Variants in LRP1B observed in about 807,000 individuals in gnomAD.
LRP1B encodes the protein low-density lipoprotein receptor-related protein 1B.
A neutral mutation model predicts 556.6 loss-of-function variants in LRP1B; 217 were observed. The observed-to-expected ratio is 0.39, with a 90% CI of 0.35 to 0.44. The LOEUF is 0.44. LRP1B is among the 20% of genes least tolerant of loss of function. The probability of loss-of-function intolerance (pLI) is 1.00; values close to 1 mark genes in which losing one functional copy is unlikely to be tolerated. For synonymous variants in LRP1B, 2,047 were observed against 1,865.8 expected (o/e 1.10, Z -2.50); for missense variants, 5,053 against 5,620.8 (o/e 0.90, Z 3.23).
chr2:141,607,945 C>G (rs536014895), intron 2 of LRP1B, among the ~76,000 whole-genome samples: 1 of 152,098 alleles, frequency 6.6e-6, no homozygotes, highest in East Asian at 1.9e-4. Context: ...AAGAAATAGG[C>G]CTGGTGCAGT....
intron 1 of LRP1B, among the ~76,000 whole-genome samples, chr2:141,856,913 A>G (rs1698070758): frequency 2.4e-5 from 3 of 127,320 alleles, no homozygotes; most frequent in African/African-American, 4.0e-5. Context: ...CTATTACAGG[A>G]AAAAAAAAAA....
chr2:140,854,714 C>G (rs1316323372), intron 27 of LRP1B, among the ~76,000 whole-genome samples: 1 of 152,128 alleles, frequency 6.6e-6, no homozygotes, highest in Admixed American at 6.6e-5. Flanking sequence ...TACATATTAG[C>G]CATGGCTGTT....
At chr2:140,794,506 C>T (rs919372160) in intron 32 of LRP1B, among the ~76,000 whole-genome samples, 7 of 113,306 alleles carry the variant, frequency 6.2e-5, no homozygotes, top group Admixed American at 8.8e-5. Flanking sequence ...CACACACACA[C>T]ACACACACAC....
chr2:140,475,342 G>T lies in LRP1B; in HGVS notation c.9426-5C>A. On this transcript the variant is annotated splice_region_variant and splice_polypyrimidine_tract_variant and intron_variant, in intron 59 of 90. Coordinates refer to ENST00000389484, the MANE Select transcript of LRP1B (RefSeq NM_018557.3). The stretch of plus-strand genomic sequence containing the variant: ...CAGTCAATCCAATACAAATATCTAG[G>T]AAAGAAAATCAATACTGATTTTGTT... 6.4e-7 allele frequency: 1 copy of T among 1,564,908 alleles called. No homozygotes were observed. The highest frequency in any genetic ancestry group is 8.7e-7 in the Non-Finnish European group (1 of 1,151,434).
At chr2:141,887,950 C>T (rs1699175704) in intron 1 of LRP1B, among the ~76,000 whole-genome samples, 1 of 152,150 alleles carries the variant, frequency 6.6e-6, no homozygotes. Context: ...GGTAAAATAC[C>T]TGTCAAAAAC....
chr2:140,913,489 A>G (rs1043571239), intron 21 of LRP1B, among the ~76,000 whole-genome samples: 2 of 152,042 alleles, frequency 1.3e-5, no homozygotes, highest in Non-Finnish European at 2.9e-5. Context: ...TTACGTAAGG[A>G]AAAAAGCATT....
chr2:140,304,786 T>G (rs1280097765), intron 83 of LRP1B, among the ~76,000 whole-genome samples: 1 of 152,180 alleles, frequency 6.6e-6, no homozygotes, highest in Non-Finnish European at 1.5e-5. Context: ...TTTATGGTTT[T>G]AGGTCTAACG....
At chr2:141,191,461 T>C (rs142377918) in intron 6 of LRP1B, among the ~76,000 whole-genome samples, 332 of 152,030 alleles carry the variant, frequency 2.2e-3, no homozygotes, top group African/African-American at 7.6e-3. Flanking sequence ...CATAGACATA[T>C]GTGTCAGCAT....
At chr2:140,953,193 C>T (rs541625729) in intron 18 of LRP1B, among the ~76,000 whole-genome samples, 4 of 152,206 alleles carry the variant, frequency 2.6e-5, no homozygotes, top group African/African-American at 4.8e-5. Flanking sequence ...TGGGTTCAAG[C>T]GATTCTCCTG....
chr2:140,507,773 T>C (rs1689481876), intron 52 of LRP1B, among the ~76,000 whole-genome samples: 1 of 152,150 alleles, frequency 6.6e-6, no homozygotes, highest in African/African-American at 2.4e-5. Context: ...GTATTGCAAA[T>C]AGCAATAATC....
chr2:141,668,605 A>G (rs1051937714), intron 2 of LRP1B, among the ~76,000 whole-genome samples: 2 of 152,106 alleles, frequency 1.3e-5, no homozygotes, highest in African/African-American at 4.8e-5. Flanking sequence ...TTCCCACTCT[A>G]TCCTCTTTCC....
chr2:141,840,212 C>T (rs1697417908), intron 1 of LRP1B, among the ~76,000 whole-genome samples: 1 of 149,652 alleles, frequency 6.7e-6, no homozygotes, highest in African/African-American at 2.5e-5. Context: ...AAAGAAAACC[C>T]ATAGAAACCC....
intron 84 of LRP1B, among the ~76,000 whole-genome samples, chr2:140,288,876 T>C (rs1683265823): frequency 6.6e-6 from 1 of 152,024 alleles, no homozygotes; most frequent in South Asian, 2.1e-4. Context: ...GCTTTGTATA[T>C]GTACTCTTCC....
chr2:141,790,523 C>G lies in LRP1B; in HGVS notation c.205+19756G>C, dbSNP rs560149320. 5.1e-4 allele frequency among the ~76,000 whole-genome samples: 77 copies of G among 151,858 alleles called. 1 individual carries two copies. The South Asian group carries it at 0.015, about 30-fold the overall frequency. On this transcript the variant is annotated intron_variant, in intron 2 of 90. Transcript: ENST00000389484. The stretch of plus-strand genomic sequence containing the variant: ...CCTCATTTCTACCCAGCTTGAACAA[C>G]AGTAGTCAGGATTTTATCTAATTTA...
intron 60 of LRP1B, among the ~76,000 whole-genome samples, chr2:140,473,876 A>G (rs1687864187): frequency 6.6e-6 from 1 of 152,088 alleles, no homozygotes; most frequent in East Asian, 1.9e-4. Flanking sequence ...AGAACATTTC[A>G]TTATTGATTC....
At position 140,830,169 on chromosome 2, in the gene LRP1B, T is replaced by C. The variant is rs77022360; in HGVS notation, c.5209+9822A>G. On this transcript the variant is annotated intron_variant, in intron 31 of 90. Transcript: ENST00000389484. ...CCTACCTGATGACTTCACTAGCAAATTATACCACACATTTAAATAAGAACT... is the reference window on the plus strand; with the variant it reads ...CCTACCTGATGACTTCACTAGCAAACTATACCACACATTTAAATAAGAACT... 4.4e-3 allele frequency among the ~76,000 whole-genome samples: 673 copies of C among 152,080 alleles called. 6 individuals are homozygous for C. The highest frequency in any genetic ancestry group is 0.016 in the African/African-American group (651 of 41,534).
intron 20 of LRP1B, among the ~76,000 whole-genome samples, chr2:140,928,404 A>C (rs1329673757): frequency 6.6e-6 from 1 of 152,130 alleles, no homozygotes; most frequent in Non-Finnish European, 1.5e-5. Context: ...TCTATTGTGG[A>C]TCAGTAGGTG....
chr2:140,674,139 G>A lies in LRP1B; in HGVS notation c.6799+26111C>T, dbSNP rs543830619. On this transcript the variant is annotated intron_variant, in intron 41 of 90. Transcript: ENST00000389484. Reference sequence around the variant, plus strand: ...AATTTTTTGTATTTTTAGTAGAGACGGGGTTTAACCATGTTGGTCAGGCTG... The same window carrying A: ...AATTTTTTGTATTTTTAGTAGAGACAGGGTTTAACCATGTTGGTCAGGCTG... 4.6e-5 allele frequency among the ~76,000 whole-genome samples: 7 copies of A among 151,752 alleles called. No individual in the cohort carries two copies. The South Asian group carries it at 6.3e-4, about 14-fold the overall frequency.
At chr2:141,451,581 G>T (rs1313173593) in intron 3 of LRP1B, among the ~76,000 whole-genome samples, 4 of 152,104 alleles carry the variant, frequency 2.6e-5, no homozygotes. Flanking sequence ...AATTGTACCT[G>T]TTGGGTGAAT....
Sources: gnomAD v4.1 joint callset for allele counts (sites outside exome capture counted in the v4.1 genomes callset) on GRCh38, gnomAD v4.1.1 for gene constraint, MANE v1.5 for transcripts, NCBI Gene and HGNC (gene_info 2026-07-23, HGNC 2026-07-21) for gene names.